The following ABHD12B variants were observed in gnomAD, a reference collection of about 807,000 sequenced individuals.
The protein encoded by ABHD12B is protein ABHD12B.
Under a neutral mutation model 50.4 loss-of-function variants are expected in ABHD12B, and 42 were observed. The ratio of observed to expected loss-of-function variants is 0.83; its 90% CI spans 0.65 to 1.08. The LOEUF (loss-of-function observed/expected upper bound fraction) is 1.08. ABHD12B is among the 50% of genes least tolerant of loss of function. ABHD12B has a pLI of 0.00. For missense variants in ABHD12B, 479 were observed against 447.7 expected, an observed-to-expected ratio of 1.07 and a Z score of -0.63; for synonymous variants, 167 against 160.3, an observed-to-expected ratio of 1.04 and a Z score of -0.32.
At chr14:50,879,711 T>C (rs1200471473) in intron 3 of ABHD12B, among the ~76,000 whole-genome samples, 1 of 152,250 alleles carries the variant, frequency 6.6e-6, no homozygotes, top group Non-Finnish European at 1.5e-5. Flanking sequence ...TTTTATTTTT[T>C]GCTTTTGCCC....
At chr14:50,880,080 C>T (rs2049918070) in intron 3 of ABHD12B, among the ~76,000 whole-genome samples, 1 of 152,210 alleles carries the variant, frequency 6.6e-6, no homozygotes, top group African/African-American at 2.4e-5. Context: ...CTACTTATCT[C>T]TTCGGCCGAA....
At chr14:50,872,855 T>C (rs2049805185) in intron 1 of ABHD12B, among the ~76,000 whole-genome samples, 1 of 152,188 alleles carries the variant, frequency 6.6e-6, no homozygotes, top group Non-Finnish European at 1.5e-5. Flanking sequence ...TGCCAAGTTC[T>C]TATGTTGTTT....
In ABHD12B at chr14:50,872,368, C is replaced by G. The variant is rs553556161; in HGVS notation, c.104+90C>G. ...GGGGGCCAGGGCGCGGCCGAGGCCGCAATCCCCTCTGCTGGCCCGGGCCCA... is the reference window on the plus strand; with the variant it reads ...GGGGGCCAGGGCGCGGCCGAGGCCGGAATCCCCTCTGCTGGCCCGGGCCCA... On this transcript the variant is annotated intron_variant, in intron 1 of 12. Transcript: ENST00000337334. 1.1e-3 allele frequency: 994 copies of G among 944,168 alleles called. 7 individuals are homozygous for G. In the African/African-American group the frequency reaches 0.015, roughly 14 times the overall value. The allele number at this position is 944,168 out of a possible 1,614,324, so 58.5% of individuals were successfully genotyped here. A position where few individuals can be genotyped will look rare whatever the true frequency, so the allele number is the denominator to read the frequency against.
At chr14:50,881,712 T>C (rs1371550670) in intron 5 of ABHD12B, 86 bp downstream of exon 5, 14 of 1,548,890 alleles carry the variant, frequency 9.0e-6, no homozygotes, top group Non-Finnish European at 1.2e-5. Context: ...CGCGTGGTTG[T>C]TTTTTGAGAG....
Position 50,880,613 on chromosome 14 carries a change from G to C in ABHD12B, c.455+42G>C, listed in dbSNP as rs776694397. ...ACATATTTTTTTTTCAGGAGATTGA[G>C]AGCATTTCAGCCCCATGGGGGAATG... On this transcript the variant is annotated intron_variant, in intron 4 of 12. Transcript: ENST00000337334. 8 of 1,507,042 alleles carry C rather than the reference G, an allele frequency of 5.3e-6. No homozygotes were observed. In the Admixed American group the frequency reaches 6.2e-5, roughly 12 times the overall value. 93.4% of individuals were successfully genotyped at this position (1,507,042 alleles called of 1,614,324 possible). A position where few individuals can be genotyped will look rare whatever the true frequency, so the allele number is the denominator to read the frequency against.
intron 9 of ABHD12B, among the ~76,000 whole-genome samples, chr14:50,899,214 A>G (rs953851876): frequency 6.6e-6 from 1 of 152,008 alleles, no homozygotes; most frequent in African/African-American, 2.4e-5. Flanking sequence ...ACAAAATAAA[A>G]CCAAAAACCA....
At chr14:50,884,142 A>G (rs2050000897) in intron 5 of ABHD12B, among the ~76,000 whole-genome samples, 1 of 152,164 alleles carries the variant, frequency 6.6e-6, no homozygotes, top group Non-Finnish European at 1.5e-5. Context: ...TCCTCCCTGC[A>G]TTTGCTTTAA....
intron 9 of ABHD12B, among the ~76,000 whole-genome samples, chr14:50,900,972 G>A (rs1369282498): frequency 6.6e-6 from 1 of 152,198 alleles, no homozygotes; most frequent in Non-Finnish European, 1.5e-5. Flanking sequence ...TTATGGAAGG[G>A]TGAAGGCAGA....
Position 50,881,617 on chromosome 14 carries a change from G to C in ABHD12B, c.477G>C (p.Lys159Asn). 6.2e-7 allele frequency: 1 copy of C among 1,606,072 alleles called. No individual in the cohort carries two copies. The change falls in exon 5 of 13, where the codon AAG becomes AAC. Residue 159 changes from lysine to asparagine, a missense_variant. By Grantham distance (94) the Lys-to-Asn change is moderately conservative. Transcript: ENST00000337334. ...ACAGGGCAGCTTCGCACAGACTGAA[G>C]CTGGTAAAGGTATGTCTGAAGAGGC... ...AEHRAASHRL[K>N]LVKVLSDGGF...
At chr14:50,900,297 A>G (rs1416441907) in intron 9 of ABHD12B, among the ~76,000 whole-genome samples, 1 of 152,264 alleles carries the variant, frequency 6.6e-6, no homozygotes, top group Non-Finnish European at 1.5e-5. Flanking sequence ...TACTAAATGA[A>G]AATGACAGAT....
At chr14:50,883,826 ATAAATTTTCATTAT>A (rs1228912732) in intron 5 of ABHD12B, among the ~76,000 whole-genome samples, 1 of 152,280 alleles carries the variant, frequency 6.6e-6, no homozygotes, top group African/African-American at 2.4e-5. Context: ...CTTTAAAAAA[ATAAATTTTCATTAT>A]TAAATTTTCA....
intron 9 of ABHD12B, chr14:50,892,703 T>C: frequency 1.5e-6 from 1 of 684,692 alleles, no homozygotes; most frequent in Non-Finnish European, 1.8e-6. Context: ...TAAGTTGTTA[T>C]TTAAAAATTT....
chr14:50,887,211 C>CAAACAAAAAA (rs2050053516), intron 8 of ABHD12B, among the ~76,000 whole-genome samples: 1 of 43,626 alleles, frequency 2.3e-5, no homozygotes, highest in Non-Finnish European at 3.7e-5. Context: ...GAGTCTGTCT[C>CAAACAAAAAA]AAAAAAAAAA....
In ABHD12B at chr14:50,881,541, T is replaced by C. The variant is rs982896985; in HGVS notation, c.456-55T>C. On this transcript the variant is annotated intron_variant, in intron 4 of 12. Coordinates refer to ENST00000337334, the MANE Select transcript of ABHD12B (RefSeq NM_001206673.2). The stretch of plus-strand genomic sequence containing the variant: ...ACGAGAGTGATTTTTATTGAATTTG[T>C]TATCATCGTTCCTAATTCTTGCTTT... 3.2e-6 allele frequency: 5 copies of C among 1,574,120 alleles called. No individual in the cohort carries two copies. The Admixed American group carries it at 7.4e-5, about 23-fold the overall frequency.
intron 5 of ABHD12B, among the ~76,000 whole-genome samples, chr14:50,882,621 C>A (rs1315189607): frequency 1.3e-5 from 2 of 151,766 alleles, no homozygotes; most frequent in Non-Finnish European, 2.9e-5. Context: ...ACCTCGTGAT[C>A]CGCCTACCTT....
At chr14:50,881,745 T>G in intron 5 of ABHD12B, 119 bp downstream of exon 5, 1 of 1,198,890 alleles carries the variant, frequency 8.3e-7, no homozygotes, top group Non-Finnish European at 1.2e-6. Context: ...CTGGTCAGGG[T>G]GGGTTGTGGT....
At chr14:50,884,715 T>C (rs1184257601) in intron 5 of ABHD12B, among the ~76,000 whole-genome samples, 7,719 of 128,884 alleles carry the variant, frequency 0.06, 859 homozygotes, top group East Asian at 0.14. Flanking sequence ...TTTTTTTTTT[T>C]TTTTTTTTTT....
At chr14:50,875,176 G>A (rs1190640217) in intron 1 of ABHD12B, among the ~76,000 whole-genome samples, 1 of 152,162 alleles carries the variant, frequency 6.6e-6, no homozygotes, top group East Asian at 1.9e-4. Context: ...TATTATTTGT[G>A]GGAGGAAAGA....
chr14:50,880,905 C>A (rs1347330094), intron 4 of ABHD12B, among the ~76,000 whole-genome samples: 1 of 152,150 alleles, frequency 6.6e-6, no homozygotes, highest in East Asian at 1.9e-4. Context: ...AACAGGCACG[C>A]ATTATGGGGG....
Sources: allele counts gnomAD v4.1 joint callset (sites outside exome capture counted in the v4.1 genomes callset), GRCh38; gene constraint gnomAD v4.1.1; transcripts MANE v1.5; gene names NCBI Gene and HGNC (gene_info 2026-07-23, HGNC 2026-07-21).